Variants in XKR9 observed in about 807,000 individuals in gnomAD.
The protein encoded by XKR9 is XK related 9.
Under a neutral mutation model 32.0 loss-of-function variants are expected in XKR9, and 32 were observed. The observed-to-expected ratio is 1.00, with a 90% CI of 0.76 to 1.34. The LOEUF is 1.34. Ranked by LOEUF, XKR9 falls within the 40% of genes most tolerant of loss-of-function variation. The pLI, the probability that XKR9 is intolerant of heterozygous loss-of-function variation, is 0.00. For missense variants in XKR9, 546 were observed against 429.7 expected (o/e 1.27, Z -2.39); for synonymous variants, 168 against 143.4 (o/e 1.17, Z -1.22).
the XKR9 span, among the ~76,000 whole-genome samples, chr8:70,880,619 A>C: frequency 1.3e-5 from 2 of 152,224 alleles, no homozygotes; most frequent in East Asian, 3.8e-4. Flanking sequence ...ATGAAATAAA[A>C]GAGGACACAA....
chr8:70,848,831 C>A, the XKR9 span, among the ~76,000 whole-genome samples: 1 of 143,772 alleles, frequency 7.0e-6, no homozygotes, highest in African/African-American at 2.6e-5. Context: ...TTTAAACCAA[C>A]AAAAACCAAA....
At chr8:71,050,144 T>C in the XKR9 span, among the ~76,000 whole-genome samples, 1 of 151,552 alleles carries the variant, frequency 6.6e-6, no homozygotes, top group African/African-American at 2.4e-5. Context: ...AGTGGGCTCA[T>C]CTATAAAAAG....
chr8:70,918,108 A>G, the XKR9 span, among the ~76,000 whole-genome samples: 1,693 of 152,364 alleles, frequency 0.011, 30 homozygotes, highest in African/African-American at 0.037. Context: ...AAAGTTTTAC[A>G]TGGCTGCTAA....
intron 2 of XKR9, among the ~76,000 whole-genome samples, chr8:70,744,929 T>C (rs1490382074): frequency 1.3e-5 from 2 of 150,326 alleles, no homozygotes; most frequent in East Asian, 3.9e-4. Context: ...GCCTATGATA[T>C]AGTTTTTTAA....
chr8:70,794,949 T>G (rs1022195243), downstream of XKR9, among the ~76,000 whole-genome samples: 6 of 152,052 alleles, frequency 3.9e-5, no homozygotes, highest in Admixed American at 3.3e-4. Flanking sequence ...TTGTAAAGAA[T>G]TAACGTTAAT....
chr8:71,023,441 A>G, the XKR9 span, among the ~76,000 whole-genome samples: 2 of 152,108 alleles, frequency 1.3e-5, no homozygotes, highest in African/African-American at 4.8e-5. Context: ...GGCTGTAGTG[A>G]GGTTTTACTC....
chr8:70,959,719 T>C, the XKR9 span, among the ~76,000 whole-genome samples: 1 of 152,202 alleles, frequency 6.6e-6, no homozygotes, highest in South Asian at 2.1e-4. Context: ...TTCTTAATTT[T>C]CTCTTTCTTG....
chr8:71,025,367 C>A, the XKR9 span, among the ~76,000 whole-genome samples: 1 of 152,338 alleles, frequency 6.6e-6, no homozygotes, highest in African/African-American at 2.4e-5. Context: ...CACCAATGAG[C>A]TAAAATCAGT....
At chr8:70,708,133 TTG>T (rs1463835855) in intron 4 of XKR9, among the ~76,000 whole-genome samples, 4 of 152,134 alleles carry the variant, frequency 2.6e-5, no homozygotes, top group Non-Finnish European at 5.9e-5. Context: ...CACAAAATGA[TTG>T]TGTGTATGAG....
the XKR9 span, among the ~76,000 whole-genome samples, chr8:71,029,968 TA>T: frequency 1.3e-5 from 2 of 151,994 alleles, no homozygotes; most frequent in African/African-American, 4.8e-5. Flanking sequence ...ATCATTTGTG[TA>T]TCTTTAATAG....
the XKR9 span, among the ~76,000 whole-genome samples, chr8:70,856,092 A>G: frequency 2.0e-5 from 3 of 152,208 alleles, no homozygotes; most frequent in African/African-American, 4.8e-5. Context: ...TAACCAGCTA[A>G]CATCATAATG....
At chr8:70,845,139 G>A in the XKR9 span, among the ~76,000 whole-genome samples, 1 of 152,172 alleles carries the variant, frequency 6.6e-6, no homozygotes, top group Admixed American at 6.5e-5. Flanking sequence ...ATTAACAACT[G>A]CAGCCTATAC....
At chr8:70,858,820 C>T in the XKR9 span, among the ~76,000 whole-genome samples, 2 of 152,042 alleles carry the variant, frequency 1.3e-5, no homozygotes, top group African/African-American at 4.8e-5. Context: ...AGGAATGAAA[C>T]TGGACCCCTA....
At chr8:70,733,702 G>C in intron 4 of XKR9, 94 bp from the exon 5 acceptor site, 2 of 1,157,952 alleles carry the variant, frequency 1.7e-6, no homozygotes, top group Non-Finnish European at 1.1e-6. Flanking sequence ...GTGTTTGTGG[G>C]TGTGTGTATA....
At chr8:70,972,354 G>A in the XKR9 span, among the ~76,000 whole-genome samples, 1 of 152,090 alleles carries the variant, frequency 6.6e-6, no homozygotes, top group Admixed American at 6.6e-5. Context: ...CCAGCTCTAG[G>A]AGCTATTTGC....
the XKR9 span, among the ~76,000 whole-genome samples, chr8:71,033,076 A>G: frequency 6.9e-6 from 1 of 145,070 alleles, no homozygotes; most frequent in Admixed American, 6.7e-5. Context: ...GGGCAAGATT[A>G]CATCTCAAAA....
intron 2 of XKR9, among the ~76,000 whole-genome samples, chr8:70,775,979 T>G (rs1467993515): frequency 6.6e-6 from 1 of 152,038 alleles, no homozygotes; most frequent in Non-Finnish European, 1.5e-5. Flanking sequence ...CTCCTGTACT[T>G]AAACAATCCT....
chr8:70,860,821 C>G, the XKR9 span, among the ~76,000 whole-genome samples: 1 of 151,944 alleles, frequency 6.6e-6, no homozygotes, highest in Non-Finnish European at 1.5e-5. Flanking sequence ...GTGACCTGTG[C>G]AAATTGCCAA....
chr8:71,021,133 A>G, the XKR9 span, among the ~76,000 whole-genome samples: 1 of 152,266 alleles, frequency 6.6e-6, no homozygotes, highest in South Asian at 2.1e-4. Flanking sequence ...CTTTTTAACA[A>G]CCAGCTCTGG....
Sources: gnomAD v4.1 joint callset for allele counts (sites outside exome capture counted in the v4.1 genomes callset) on GRCh38, gnomAD v4.1.1 for gene constraint, MANE v1.5 for transcripts, NCBI Gene and HGNC (gene_info 2026-07-23, HGNC 2026-07-21) for gene names.